The following MEI4 variants were observed in gnomAD, a reference collection of about 807,000 sequenced individuals.
MEI4 encodes the protein meiosis-specific protein MEI4.
In MEI4, 27 loss-of-function variants were observed where a neutral mutation model predicts 31.4. The ratio of observed to expected loss-of-function variants is 0.86; its 90% CI spans 0.63 to 1.19. The LOEUF (loss-of-function observed/expected upper bound fraction) is 1.19, where lower values mean the gene tolerates loss of function less well. Among genes scored for constraint, MEI4 ranks in the 50% most tolerant of loss-of-function variants. The pLI is 0.00. For synonymous variants in MEI4, 122 were observed against 145.4 expected (o/e 0.84, Z 1.16); for missense variants, 329 against 398.9 (o/e 0.82, Z 1.49).
chr6:77,786,115 T>G (rs895502810), intron 3 of MEI4, among the ~76,000 whole-genome samples: 1 of 152,148 alleles, frequency 6.6e-6, no homozygotes, highest in African/African-American at 2.4e-5. Context: ...GGAATGGGAA[T>G]TATTTGATTA....
chr6:77,875,917 A>G (rs1330435267), intron 4 of MEI4, among the ~76,000 whole-genome samples: 1 of 152,160 alleles, frequency 6.6e-6, no homozygotes, highest in East Asian at 1.9e-4. Flanking sequence ...AGAAATTGTA[A>G]TCCAGAGAGA....
In MEI4 at chr6:77,736,229, C is replaced by T. The variant is rs1002063447; in HGVS notation, c.233-24901C>T. Among the ~76,000 whole-genome samples the T allele has an allele frequency of 3.9e-5, 6 of 152,058 alleles. 1 individual carries two copies. Among genetic ancestry groups the T allele is most frequent in the African/African-American group, 1.2e-4 (5 of 41,344 alleles). On this transcript the variant is annotated intron_variant, in intron 2 of 4. Coordinates refer to ENST00000684080, the MANE Select transcript of MEI4 (RefSeq NM_001322247.2). ...CTGGGCAATGGCGGGCGCCCCTCCC[C>T]CAACCTTGCTGCCCCCTTGCAGTTT...
chr6:77,746,415 AG>A (rs748230590), intron 2 of MEI4, among the ~76,000 whole-genome samples: 176 of 152,080 alleles, frequency 1.2e-3, no homozygotes, highest in Non-Finnish European at 2.0e-3. Flanking sequence ...TCCTTAAGTA[AG>A]GGGGGACTCC....
intron 2 of MEI4, among the ~76,000 whole-genome samples, chr6:77,700,908 T>C (rs199944409): frequency 2.0e-4 from 31 of 152,162 alleles, no homozygotes; most frequent in East Asian, 1.2e-3. Context: ...TTTATCTTAC[T>C]TAAATGCGCT....
At chr6:77,768,822 G>T (rs1172590393) in intron 3 of MEI4, among the ~76,000 whole-genome samples, 1 of 152,054 alleles carries the variant, frequency 6.6e-6, no homozygotes, top group African/African-American at 2.4e-5. Flanking sequence ...CAGTCTTTTG[G>T]AAACTTTATA....
chr6:77,778,658 A>G (rs1768518944), intron 3 of MEI4, among the ~76,000 whole-genome samples: 1 of 151,914 alleles, frequency 6.6e-6, no homozygotes, highest in African/African-American at 2.4e-5. Flanking sequence ...CATGATTGCA[A>G]CACTGCACTC....
intron 3 of MEI4, among the ~76,000 whole-genome samples, chr6:77,773,182 G>T (rs965817592): frequency 6.6e-6 from 1 of 151,808 alleles, no homozygotes; most frequent in African/African-American, 2.4e-5. Flanking sequence ...CACCAGAATA[G>T]AAAAAATAGT....
In MEI4 at chr6:77,696,920, A is replaced by G. The variant is rs150371372; in HGVS notation, c.232+6017A>G. On this transcript the variant is annotated intron_variant, in intron 2 of 4. Transcript: ENST00000684080. The stretch of plus-strand genomic sequence containing the variant: ...TGGACCTCTTTTTGGTTGGTAAGCT[A>G]TTGATTATTGCCACAATTTCAGAGC... Among the ~76,000 whole-genome samples the G allele has an allele frequency of 7.8e-3, 1,194 of 152,240 alleles. 19 individuals carry two copies. The highest frequency in any genetic ancestry group is 0.028 in the African/African-American group (1,143 of 41,518).
chr6:77,884,710 G>C (rs887874709), intron 4 of MEI4, among the ~76,000 whole-genome samples: 1 of 152,060 alleles, frequency 6.6e-6, no homozygotes, highest in Non-Finnish European at 1.5e-5. Context: ...TACTTTGGTG[G>C]ATGGGCCCGT....
chr6:77,803,235 CT>C (rs2127701569), intron 3 of MEI4, among the ~76,000 whole-genome samples: 1 of 152,338 alleles, frequency 6.6e-6, no homozygotes, highest in Admixed American at 6.5e-5. Context: ...TCTTCCATCA[CT>C]GATACCCTTT....
At chr6:77,913,010 C>G (rs35001564) in intron 4 of MEI4, among the ~76,000 whole-genome samples, 10,567 of 152,044 alleles carry the variant, frequency 0.069, 552 homozygotes, top group Non-Finnish European at 0.11. Context: ...ATTGAACTTT[C>G]CCATTATGAA....
intron 3 of MEI4, among the ~76,000 whole-genome samples, chr6:77,794,895 T>G (rs1271702875): frequency 6.6e-6 from 1 of 152,200 alleles, no homozygotes; most frequent in Admixed American, 6.5e-5. Flanking sequence ...TGTATATACT[T>G]TGACAACAGT....
intron 4 of MEI4, among the ~76,000 whole-genome samples, chr6:77,916,901 C>T (rs1309863426): frequency 6.6e-6 from 1 of 151,028 alleles, no homozygotes; most frequent in Admixed American, 6.6e-5. Context: ...GTATATCTCC[C>T]AATGCTATCC....
At chr6:77,700,865 G>T (rs1766203910) in intron 2 of MEI4, among the ~76,000 whole-genome samples, 1 of 152,140 alleles carries the variant, frequency 6.6e-6, no homozygotes, top group Admixed American at 6.6e-5. Context: ...ATAGGGGAGG[G>T]ATAAAGAGAA....
At chr6:77,802,589 GT>G (rs1270818242) in intron 3 of MEI4, among the ~76,000 whole-genome samples, 1 of 152,138 alleles carries the variant, frequency 6.6e-6, no homozygotes, top group African/African-American at 2.4e-5. Context: ...AACTTGGCTT[GT>G]TTTTGCAGTG....
chr6:77,762,600 C>T (rs1216663369), intron 3 of MEI4, among the ~76,000 whole-genome samples: 2 of 152,108 alleles, frequency 1.3e-5, no homozygotes, highest in Admixed American at 6.6e-5. Flanking sequence ...TATTTGCCTC[C>T]GTGCTATGAT....
chr6:77,813,986 AT>A (rs1202909305), intron 3 of MEI4, among the ~76,000 whole-genome samples: 2 of 152,130 alleles, frequency 1.3e-5, no homozygotes, highest in African/African-American at 4.8e-5. Flanking sequence ...ATTTTTAAAC[AT>A]GGGAAGATTT....
chr6:77,825,139 T>G (rs990509028), intron 3 of MEI4, among the ~76,000 whole-genome samples: 4 of 152,182 alleles, frequency 2.6e-5, no homozygotes, highest in Admixed American at 6.5e-5. Context: ...CAAATGTCAG[T>G]GACTCAAGGA....
chr6:77,705,192 G>T (rs1766305429), intron 2 of MEI4, among the ~76,000 whole-genome samples: 1 of 148,814 alleles, frequency 6.7e-6, no homozygotes. Flanking sequence ...CCATCTTACT[G>T]CCTTCGTTTG....
Sources: gnomAD v4.1 joint callset for allele counts (sites outside exome capture counted in the v4.1 genomes callset) on GRCh38, gnomAD v4.1.1 for gene constraint, MANE v1.5 for transcripts, NCBI Gene and HGNC (gene_info 2026-07-23, HGNC 2026-07-21) for gene names.